OR9Q1: variants seen among roughly 807,000 people sequenced by gnomAD.
OR9Q1 encodes olfactory receptor family 9 subfamily Q member 1.
For missense variants in OR9Q1, 374 were observed against 378.8 expected (o/e 0.99, Z 0.11); for synonymous variants, 153 against 148.6 (o/e 1.03, Z -0.22).
intron 2 of OR9Q1, among the ~76,000 whole-genome samples, chr11:58,121,092 C>A (rs977338117): frequency 2.0e-5 from 3 of 152,010 alleles, no homozygotes; most frequent in African/African-American, 7.2e-5. Context: ...TGATTGGATA[C>A]ACAGAAAAGG....
chr11:58,144,429 A>G (rs566274700), intron 2 of OR9Q1: 1 of 145,684 alleles, frequency 6.9e-6, no homozygotes, highest in African/African-American at 2.5e-5. Flanking sequence ...TTTATCTTTA[A>G]TGAGACTTTA....
At chr11:58,036,916 A>C (rs1487286997) in intron 1 of OR9Q1, among the ~76,000 whole-genome samples, 6 of 152,252 alleles carry the variant, frequency 3.9e-5, no homozygotes, top group Non-Finnish European at 5.9e-5. Context: ...AGAATATTCC[A>C]TAAACTTAGT....
At chr11:58,092,045 T>C (rs1853689370) in intron 2 of OR9Q1, among the ~76,000 whole-genome samples, 1 of 152,070 alleles carries the variant, frequency 6.6e-6, no homozygotes, top group Non-Finnish European at 1.5e-5. Context: ...TTTCTTTGCA[T>C]GTGAGATGGA....
chr11:58,048,090 G>T (rs1438202202), intron 1 of OR9Q1, among the ~76,000 whole-genome samples: 1 of 152,136 alleles, frequency 6.6e-6, no homozygotes, highest in African/African-American at 2.4e-5. Context: ...TCTTGCCTAA[G>T]ACTGCTTCAC....
At chr11:58,061,823 G>C (rs1037926391) in intron 2 of OR9Q1, among the ~76,000 whole-genome samples, 1 of 152,200 alleles carries the variant, frequency 6.6e-6, no homozygotes, top group Non-Finnish European at 1.5e-5. Flanking sequence ...AAGCATTGAG[G>C]TGCCAGCGGT....
intron 2 of OR9Q1, among the ~76,000 whole-genome samples, chr11:58,120,965 A>G (rs1446438723): frequency 1.3e-5 from 2 of 151,810 alleles, no homozygotes; most frequent in Non-Finnish European, 2.9e-5. Flanking sequence ...TTCATATGGG[A>G]ATGCTTGCTA....
intron 1 of OR9Q1, among the ~76,000 whole-genome samples, chr11:58,053,009 A>G (rs1370542539): frequency 1.3e-5 from 2 of 151,254 alleles, no homozygotes; most frequent in African/African-American, 4.8e-5. Context: ...TGGGCCTGTA[A>G]ACTAGTTCAA....
intron 2 of OR9Q1, among the ~76,000 whole-genome samples, chr11:58,122,793 A>G (rs938785593): frequency 1.3e-5 from 2 of 152,106 alleles, no homozygotes; most frequent in Non-Finnish European, 2.9e-5. Context: ...TTCAAAATAC[A>G]TATCCTTCTA....
chr11:58,087,280 A>C (rs1853643227), intron 2 of OR9Q1, among the ~76,000 whole-genome samples: 1 of 151,714 alleles, frequency 6.6e-6, no homozygotes, highest in African/African-American at 2.4e-5. Flanking sequence ...AATCTCTGAA[A>C]CCTCTCTTGT....
At chr11:58,132,621 T>G (rs1329598415) in intron 2 of OR9Q1, among the ~76,000 whole-genome samples, 1 of 152,162 alleles carries the variant, frequency 6.6e-6, no homozygotes, top group African/African-American at 2.4e-5. Context: ...ACTCAGGCTC[T>G]GTAAATGAGG....
At chr11:58,159,394 A>C (rs1253016092) in intron 2 of OR9Q1, among the ~76,000 whole-genome samples, 1 of 152,144 alleles carries the variant, frequency 6.6e-6, no homozygotes, top group Non-Finnish European at 1.5e-5. Context: ...CTTGTCTAGG[A>C]CTTCCTCGTA....
chr11:58,095,288 T>C (rs1463336038), intron 2 of OR9Q1, among the ~76,000 whole-genome samples: 1 of 152,252 alleles, frequency 6.6e-6, no homozygotes, highest in African/African-American at 2.4e-5. Flanking sequence ...TACAACTGGC[T>C]GGTACACCAG....
At chr11:58,115,588 A>G (rs866263742) in intron 2 of OR9Q1, among the ~76,000 whole-genome samples, 2 of 152,170 alleles carry the variant, frequency 1.3e-5, no homozygotes, top group African/African-American at 4.8e-5. Context: ...AAAAGCCATA[A>G]CTGAGGAGGA....
intron 2 of OR9Q1, among the ~76,000 whole-genome samples, chr11:58,074,686 T>A (rs965336597): frequency 1.3e-5 from 2 of 152,202 alleles, no homozygotes; most frequent in African/African-American, 4.8e-5. Context: ...TGCCCATGCC[T>A]ATGTCCTGAG....
At chr11:58,160,636 A>G (rs975674) in intron 2 of OR9Q1, among the ~76,000 whole-genome samples, 5,763 of 152,208 alleles carry the variant, frequency 0.038, 153 homozygotes, top group Non-Finnish European at 0.053. Context: ...ATTTCAAAAA[A>G]AGATTTCTTG....
chr11:58,076,641 G>GT (rs1853541450), intron 2 of OR9Q1, among the ~76,000 whole-genome samples: 1 of 152,140 alleles, frequency 6.6e-6, no homozygotes, highest in Admixed American at 6.6e-5. Flanking sequence ...CTTTAGAATA[G>GT]TTTTTAATTA....
intron 2 of OR9Q1, among the ~76,000 whole-genome samples, chr11:58,062,223 T>C (rs983424801): frequency 2.0e-5 from 3 of 152,246 alleles, no homozygotes; most frequent in African/African-American, 4.8e-5. Context: ...AAGCCTAGCA[T>C]TGTGGCACAA....
chr11:58,135,672 A>G (rs1854182954), intron 2 of OR9Q1, among the ~76,000 whole-genome samples: 1 of 152,242 alleles, frequency 6.6e-6, no homozygotes, highest in African/African-American at 2.4e-5. Context: ...TCTTTGTTGC[A>G]TAATTCCAGC....
At chr11:58,114,401 T>TC (rs1157870220) in intron 2 of OR9Q1, among the ~76,000 whole-genome samples, 1 of 152,182 alleles carries the variant, frequency 6.6e-6, no homozygotes, top group African/African-American at 2.4e-5. Context: ...ATGATTTACC[T>TC]CCCCTTAGTG....
Sources: allele counts gnomAD v4.1 joint callset (sites outside exome capture counted in the v4.1 genomes callset), GRCh38; gene constraint gnomAD v4.1.1; transcripts MANE v1.5; gene names NCBI Gene and HGNC (gene_info 2026-07-23, HGNC 2026-07-21).